The following UNC13C variants were observed in gnomAD, a reference collection of about 807,000 sequenced individuals.
UNC13C encodes the protein protein unc-13 homolog C.
Under a neutral mutation model 245.4 loss-of-function variants are expected in UNC13C, and 174 were observed. The observed-to-expected ratio is 0.71, with a 90% confidence interval of 0.63 to 0.80. UNC13C has a LOEUF of 0.80. Ranked by LOEUF, UNC13C falls within the 30% of genes least tolerant of loss-of-function variation. The probability of loss-of-function intolerance (pLI) is 0.00; values close to 1 mark genes in which losing one functional copy is unlikely to be tolerated. For synonymous variants in UNC13C, 992 were observed against 895.1 expected (o/e 1.11, Z -1.93); for missense variants, 2,829 against 2,602.9 (o/e 1.09, Z -1.89).
At chr15:54,329,771 A>T (rs1366443394) in intron 14 of UNC13C, among the ~76,000 whole-genome samples, 4 of 152,092 alleles carry the variant, frequency 2.6e-5, no homozygotes, top group Non-Finnish European at 5.9e-5. Flanking sequence ...AGTTTTCTTC[A>T]CAGTTTTCTA....
intron 24 of UNC13C, among the ~76,000 whole-genome samples, chr15:54,513,943 G>A (rs1183268509): frequency 6.6e-6 from 1 of 151,960 alleles, no homozygotes; most frequent in East Asian, 1.9e-4. Flanking sequence ...GGTAGGGCCA[G>A]TCAGCATTTG....
chr15:53,898,774 T>C, the UNC13C span, among the ~76,000 whole-genome samples: 3 of 152,296 alleles, frequency 2.0e-5, no homozygotes, highest in South Asian at 6.2e-4. Context: ...ATATTCCAAT[T>C]TTAAAAAAAT....
chr15:53,907,851 G>T, the UNC13C span, among the ~76,000 whole-genome samples: 1 of 146,294 alleles, frequency 6.8e-6, no homozygotes, highest in East Asian at 2.0e-4. Flanking sequence ...TTGAATAAAT[G>T]AGTAAAATAA....
chr15:53,889,417 G>T, the UNC13C span, among the ~76,000 whole-genome samples: 78 of 152,216 alleles, frequency 5.1e-4, no homozygotes, highest in African/African-American at 1.8e-3. Flanking sequence ...CCTGAGACTT[G>T]GCTGAAGTTG....
intron 30 of UNC13C, among the ~76,000 whole-genome samples, chr15:54,606,832 C>A (rs116316186): frequency 2.6e-5 from 4 of 152,086 alleles, no homozygotes; most frequent in Non-Finnish European, 5.9e-5. Context: ...GAAGGTGCTG[C>A]GTTAGCCATA....
At position 54,012,789 on chromosome 15, in the gene UNC13C, C is replaced by A; in HGVS notation, c.-115C>A. The A allele has an allele frequency of 1.2e-6, 1 of 824,496 alleles. No homozygotes were observed. Among genetic ancestry groups the A allele is most frequent in the East Asian group, 2.5e-5 (1 of 39,288 alleles). 51.1% of individuals were successfully genotyped at this position (824,496 alleles called of 1,614,324 possible). A position where few individuals can be genotyped will look rare whatever the true frequency, so the allele number is the denominator to read the frequency against. On this transcript the variant is annotated 5_prime_UTR_variant, in exon 2 of 33. Coordinates refer to ENST00000260323, the MANE Select transcript of UNC13C (RefSeq NM_001080534.3). ...CAGAGCCATGCCTGCCCTTCCTGCT[C>A]TTTCCAGTGATTCACAGAACTTCTG...
chr15:54,626,591 T>A (rs1216624939), intron 32 of UNC13C, among the ~76,000 whole-genome samples: 1 of 152,134 alleles, frequency 6.6e-6, no homozygotes, highest in Non-Finnish European at 1.5e-5. Flanking sequence ...CCTCGACTGA[T>A]TAAGTGTAAC....
chr15:53,892,177 T>C, the UNC13C span, among the ~76,000 whole-genome samples: 2 of 152,242 alleles, frequency 1.3e-5, no homozygotes, highest in Admixed American at 6.5e-5. Flanking sequence ...TGAAAATTCT[T>C]TTCTTAAAGA....
intron 2 of UNC13C, among the ~76,000 whole-genome samples, chr15:54,104,108 G>A (rs1412760219): frequency 1.3e-5 from 2 of 152,186 alleles, no homozygotes; most frequent in Non-Finnish European, 2.9e-5. Context: ...TGGGCCTCTC[G>A]CCTCAGCGAG....
At chr15:53,918,833 G>C in the UNC13C span, among the ~76,000 whole-genome samples, 3 of 152,260 alleles carry the variant, frequency 2.0e-5, no homozygotes, top group Non-Finnish European at 4.4e-5. Context: ...ATAAGTCATG[G>C]GCTTGTGAAT....
the UNC13C span, among the ~76,000 whole-genome samples, chr15:53,960,969 G>A: frequency 6.6e-6 from 1 of 152,240 alleles, no homozygotes; most frequent in African/African-American, 2.4e-5. Context: ...TCTCAAAATT[G>A]TTTGCTCTGT....
At chr15:53,854,604 T>G in the UNC13C span, among the ~76,000 whole-genome samples, 1 of 152,180 alleles carries the variant, frequency 6.6e-6, no homozygotes, top group African/African-American at 2.4e-5. Context: ...CAGATAGTTG[T>G]AGGTGTGTGG....
chr15:54,308,114 C>G (rs916400757), intron 13 of UNC13C, among the ~76,000 whole-genome samples: 1 of 151,852 alleles, frequency 6.6e-6, no homozygotes, highest in Non-Finnish European at 1.5e-5. Context: ...TATTTTTAAA[C>G]TTTAGATGAA....
chr15:54,527,282 G>C (rs1291249854), intron 25 of UNC13C, among the ~76,000 whole-genome samples: 1 of 152,160 alleles, frequency 6.6e-6, no homozygotes, highest in Admixed American at 6.5e-5. Flanking sequence ...GCCATTTCAG[G>C]TGTGTCTCTC....
At chr15:54,225,013 TTTAC>T (rs1470579018) in intron 4 of UNC13C, among the ~76,000 whole-genome samples, 1 of 148,640 alleles carries the variant, frequency 6.7e-6, no homozygotes, top group African/African-American at 2.6e-5. Flanking sequence ...CACCTCTGGT[TTTAC>T]TTGTGTCTTC....
the UNC13C span, among the ~76,000 whole-genome samples, chr15:53,903,011 A>G: frequency 6.6e-6 from 1 of 152,376 alleles, no homozygotes; most frequent in South Asian, 2.1e-4. Context: ...GGAAGATGCC[A>G]GTGATGATCA....
intron 20 of UNC13C, 94 bp from the exon 21 acceptor site, chr15:54,499,985 C>A: frequency 1.1e-6 from 1 of 915,890 alleles, no homozygotes; most frequent in Non-Finnish European, 1.6e-6. Context: ...ATTGTTGATT[C>A]TAAATTACTC....
At chr15:54,425,361 C>A (rs2140966714) in intron 19 of UNC13C, among the ~76,000 whole-genome samples, 1 of 151,828 alleles carries the variant, frequency 6.6e-6, no homozygotes, top group South Asian at 2.1e-4. Flanking sequence ...TGAAGGGAGG[C>A]AACAAGTAGT....
intron 18 of UNC13C, among the ~76,000 whole-genome samples, chr15:54,413,712 G>C (rs2040459409): frequency 6.6e-6 from 1 of 152,104 alleles, no homozygotes; most frequent in Non-Finnish European, 1.5e-5. Context: ...TGAAAATATG[G>C]ACTAGAGTAG....
Sources: gnomAD v4.1 joint callset for allele counts (sites outside exome capture counted in the v4.1 genomes callset) on GRCh38, gnomAD v4.1.1 for gene constraint, MANE v1.5 for transcripts, NCBI Gene and HGNC (gene_info 2026-07-23, HGNC 2026-07-21) for gene names.